Variants in SORL1 observed in about 807,000 individuals in gnomAD.
SORL1 encodes the protein sortilin-related receptor.
Under a neutral mutation model 273.7 loss-of-function variants are expected in SORL1, and 127 were observed. The ratio of observed to expected loss-of-function variants is 0.46; its 90% CI spans 0.40 to 0.54. The LOEUF is 0.54. SORL1 is among the 20% of genes least tolerant of loss of function. SORL1 has a pLI of 0.00. For missense variants in SORL1, 2,494 were observed against 2,846.1 expected, an observed-to-expected ratio of 0.88 and a Z score of 2.81; for synonymous variants, 1,031 against 1,067.4, an observed-to-expected ratio of 0.97 and a Z score of 0.66.
intron 28 of SORL1, among the ~76,000 whole-genome samples, chr11:121,588,437 C>T (rs1352515045): frequency 6.6e-6 from 1 of 152,110 alleles, no homozygotes; most frequent in Non-Finnish European, 1.5e-5. Context: ...GGTCTTGGCT[C>T]AAGGGTCGCT....
chr11:121,612,050 G>GA (rs777642314), intron 39 of SORL1: 7 of 152,482 alleles, frequency 4.6e-5, no homozygotes, highest in South Asian at 2.1e-4. Flanking sequence ...TGGGGCAGGA[G>GA]AATCGCTTGA....
At chr11:121,510,976 C>T (rs944521131) in intron 6 of SORL1, among the ~76,000 whole-genome samples, 2 of 152,022 alleles carry the variant, frequency 1.3e-5, no homozygotes, top group African/African-American at 4.8e-5. Context: ...CAAACCAACC[C>T]AAAACCTATG....
intron 25 of SORL1, among the ~76,000 whole-genome samples, chr11:121,578,478 G>T (rs935068754): frequency 3.9e-5 from 6 of 152,158 alleles, no homozygotes; most frequent in African/African-American, 1.4e-4. Context: ...TACAAAGAAG[G>T]TACATCTGTT....
intron 3 of SORL1, among the ~76,000 whole-genome samples, chr11:121,481,332 T>C (rs1257710802): frequency 7.9e-6 from 1 of 126,126 alleles, no homozygotes; most frequent in Non-Finnish European, 1.7e-5. Flanking sequence ...AGTGCACAGA[T>C]ACCTATAAGC....
chr11:121,544,846 T>C (rs1416528473), intron 13 of SORL1, among the ~76,000 whole-genome samples: 1 of 152,188 alleles, frequency 6.6e-6, no homozygotes, highest in Non-Finnish European at 1.5e-5. Flanking sequence ...AGATGTGCCC[T>C]CACTGCCTGA....
chr11:121,495,489 C>A (rs767137930), intron 5 of SORL1, among the ~76,000 whole-genome samples: 9 of 152,086 alleles, frequency 5.9e-5, no homozygotes, highest in African/African-American at 1.2e-4. Flanking sequence ...GAATTTGACA[C>A]GATTACCTTC....
chr11:121,555,069 A>C, intron 17 of SORL1, 118 bp from the exon 18 acceptor site: 1 of 1,132,010 alleles, frequency 8.8e-7, no homozygotes, highest in Admixed American at 2.7e-5. Flanking sequence ...ACTAACGTAA[A>C]ACATCTCATC....
In SORL1 at chr11:121,618,978, A is replaced by G. The variant is rs1021545901; in HGVS notation, c.5724+85A>G. On this transcript the variant is annotated intron_variant, in intron 42 of 47. Transcript: ENST00000260197. ...TCAACCCAGGACCTGGGGAGCTTGC[A>G]TACCTGGACTCCAGGATTGATGTGT... 5 of 1,414,750 alleles carry G rather than the reference A, an allele frequency of 3.5e-6. No homozygotes were observed. In the African/African-American group the frequency reaches 5.7e-5, roughly 16 times the overall value. 87.6% of individuals were successfully genotyped at this position (1,414,750 alleles called of 1,614,324 possible).
chr11:121,453,920 C>T (rs867313804), intron 1 of SORL1, among the ~76,000 whole-genome samples: 2 of 152,154 alleles, frequency 1.3e-5, no homozygotes, highest in Non-Finnish European at 2.9e-5. Context: ...TAAAATAGAT[C>T]TGGTATAAAG....
Position 121,588,097 on chromosome 11 carries a change from G to T in SORL1, c.3892G>T (p.Gly1298Ter). Reference sequence around the variant, plus strand: ...CCTGTTCCACTCCATGGTCTGTGACGGAATCATCCAGTGCCGCGACGGGTC... The same window carrying T: ...CCTGTTCCACTCCATGGTCTGTGACTGAATCATCCAGTGCCGCGACGGGTC... ...QCLFHSMVCD[G>*]IIQCRDGSDE... Residue 1298 changes from glycine to a stop codon, truncating the protein, a stop_gained, in exon 28 of 48, where the codon GGA becomes TGA. Coordinates refer to ENST00000260197, the MANE Select transcript of SORL1 (RefSeq NM_003105.6). LOFTEE classifies it high-confidence loss of function. 6.2e-7 allele frequency: 1 copy of T among 1,613,882 alleles called. No individual in the cohort carries two copies. Among genetic ancestry groups the T allele is most frequent in the Non-Finnish European group, 8.5e-7 (1 of 1,179,876 alleles).
intron 6 of SORL1, among the ~76,000 whole-genome samples, chr11:121,508,955 C>T (rs1007917492): frequency 6.6e-6 from 1 of 152,098 alleles, no homozygotes; most frequent in African/African-American, 2.4e-5. Context: ...CCAACCTACA[C>T]GAAAGAACAG....
At chr11:121,619,336 C>T (rs779508857) in intron 42 of SORL1, among the ~76,000 whole-genome samples, 1 of 152,196 alleles carries the variant, frequency 6.6e-6, no homozygotes, top group Non-Finnish European at 1.5e-5. Flanking sequence ...GAATGCAGGA[C>T]AGCCGTTCAT....
chr11:121,478,656 G>A (rs1282461692), intron 3 of SORL1, among the ~76,000 whole-genome samples: 1 of 152,064 alleles, frequency 6.6e-6, no homozygotes, highest in Non-Finnish European at 1.5e-5. Context: ...GTGTGTGCAT[G>A]TACGTGCTTG....
In SORL1 at chr11:121,590,264, C is replaced by T. The variant is rs554411622; in HGVS notation, c.4213+90C>T. 5.3e-5 allele frequency: 73 copies of T among 1,369,700 alleles called. No homozygotes were observed. The East Asian group carries it at 7.3e-4, about 14-fold the overall frequency. The allele number at this position is 1,369,700 out of a possible 1,614,324, so 84.8% of individuals were successfully genotyped here. ...TATGCAGGATGTGCCTGGCTGATTCCGTGTTTTGGGGGGCATATTTTTGTG... is the reference window on the plus strand; with the variant it reads ...TATGCAGGATGTGCCTGGCTGATTCTGTGTTTTGGGGGGCATATTTTTGTG... On this transcript the variant is annotated intron_variant, in intron 30 of 47. Coordinates refer to ENST00000260197, the MANE Select transcript of SORL1 (RefSeq NM_003105.6).
chr11:121,584,018 A>G (rs1365666331), intron 26 of SORL1, among the ~76,000 whole-genome samples: 1 of 152,174 alleles, frequency 6.6e-6, no homozygotes, highest in Non-Finnish European at 1.5e-5. Context: ...ATGCATATTC[A>G]CTTTATGCTA....
chr11:121,558,875 C>G (rs375062073), intron 20 of SORL1, 38 bp downstream of exon 20: 2 of 1,610,840 alleles, frequency 1.2e-6, no homozygotes, highest in African/African-American at 2.7e-5. Context: ...TCTGCTAGAG[C>G]GGGTGAGGAG....
intron 3 of SORL1, among the ~76,000 whole-genome samples, chr11:121,485,606 G>A (rs1316888776): frequency 1.3e-5 from 2 of 152,152 alleles, no homozygotes; most frequent in Non-Finnish European, 2.9e-5. Flanking sequence ...TCTATGACGG[G>A]GTGCGTGATT....
intron 12 of SORL1, 83 bp from the exon 13 acceptor site, chr11:121,543,465 G>A (rs992827706): frequency 6.0e-6 from 7 of 1,161,280 alleles, no homozygotes; most frequent in South Asian, 2.9e-5. Flanking sequence ...CCTGGTTCCT[G>A]TTCCTGGTGA....
At position 121,520,859 on chromosome 11, in the gene SORL1, C is replaced by G. The variant is rs989576756; in HGVS notation, c.1404+10C>G. The G allele has an allele frequency of 1.3e-6, 2 of 1,558,896 alleles. No homozygotes were observed. Among genetic ancestry groups the G allele is most frequent in the Admixed American group, 2.1e-5 (1 of 48,282 alleles). ...GAAAATCAATTGTGAGGTATTGATG[C>G]TTTAATCTTCTTTTGCTTTTTAATA... On this transcript the variant is annotated intron_variant, in intron 9 of 47. Transcript: ENST00000260197.
Sources: gnomAD v4.1 joint callset for allele counts (sites outside exome capture counted in the v4.1 genomes callset) on GRCh38, gnomAD v4.1.1 for gene constraint, MANE v1.5 for transcripts, NCBI Gene and HGNC (gene_info 2026-07-23, HGNC 2026-07-21) for gene names.